EYA1: variants seen among roughly 807,000 people sequenced by gnomAD.
EYA1 encodes protein phosphatase EYA1.
In EYA1, 16 loss-of-function variants were observed where a neutral mutation model predicts 82.0. The ratio of observed to expected loss-of-function variants is 0.20; its 90% CI spans 0.13 to 0.30. The LOEUF is 0.30. Ranked by LOEUF, EYA1 falls within the 10% of genes least tolerant of loss-of-function variation. The probability of loss-of-function intolerance (pLI) is 1.00; values close to 1 mark genes in which losing one functional copy is unlikely to be tolerated. For missense variants in EYA1, 633 were observed against 730.7 expected, an observed-to-expected ratio of 0.87 and a Z score of 1.54; for synonymous variants, 261 against 264.4, an observed-to-expected ratio of 0.99 and a Z score of 0.12.
At chr8:71,541,217 T>A (rs1815112690) in intron 1 of EYA1, among the ~76,000 whole-genome samples, 1 of 152,362 alleles carries the variant, frequency 6.6e-6, no homozygotes, top group East Asian at 1.9e-4. Context: ...CCACTGAAGA[T>A]GTTAATGAAA....
intron 2 of EYA1, among the ~76,000 whole-genome samples, chr8:71,402,893 G>A (rs1830030971): frequency 6.6e-6 from 1 of 152,130 alleles, no homozygotes; most frequent in Non-Finnish European, 1.5e-5. Context: ...AAGCATAGCT[G>A]GCTGGGAAAA....
rs1036676450 is a variant in EYA1, at chr8:71,537,133, G to A, written c.-72-1285C>T. 3.3e-5 allele frequency among the ~76,000 whole-genome samples: 5 copies of A among 152,164 alleles called. No individual in the cohort carries two copies. In the East Asian group the frequency reaches 9.6e-4, roughly 29 times the overall value. ...GCTCAACATTATCAATGCTGCAAAT[G>A]TATGCCCAATCCACTGTCAACATAA... is the stretch of plus-strand genomic sequence containing the variant. On this transcript the variant is annotated intron_variant, in intron 1 of 18. Transcript: ENST00000643681.
chr8:71,314,275 G>C (rs979419179), intron 7 of EYA1, among the ~76,000 whole-genome samples: 5 of 152,108 alleles, frequency 3.3e-5, no homozygotes, highest in African/African-American at 4.8e-5. Flanking sequence ...CAAAATCATT[G>C]AATAATGAGA....
rs557000223 is a variant in EYA1, at chr8:71,324,746, T to C, written c.203-2478A>G. Among the ~76,000 whole-genome samples the C allele has an allele frequency of 4.6e-5, 7 of 152,330 alleles. No homozygotes were observed. The South Asian group carries it at 1.4e-3, about 32-fold the overall frequency. On this transcript the variant is annotated intron_variant, in intron 4 of 17. Coordinates refer to ENST00000340726, the MANE Select transcript of EYA1 (RefSeq NM_000503.6). ...GCATACTGTCTTCCGACCCCCTGCG[T>C]GGAAATTAGAACTTCACAGCCATCT...
At chr8:71,443,069 C>A (rs1446229832) in intron 2 of EYA1, among the ~76,000 whole-genome samples, 2 of 152,090 alleles carry the variant, frequency 1.3e-5, no homozygotes, top group Non-Finnish European at 2.9e-5. Flanking sequence ...GAATCTGCAA[C>A]ACACAGAGAA....
At chr8:71,409,532 T>G (rs1194300160) in intron 2 of EYA1, among the ~76,000 whole-genome samples, 2 of 9,630 alleles carry the variant, frequency 2.1e-4, no homozygotes, top group African/African-American at 1.4e-3. Flanking sequence ...TAAAAAATGA[T>G]AAAGGGGATA....
chr8:71,480,069 C>A (rs1810010815), intron 2 of EYA1, among the ~76,000 whole-genome samples: 1 of 151,870 alleles, frequency 6.6e-6, no homozygotes, highest in Non-Finnish European at 1.5e-5. Context: ...GTTCTAATTT[C>A]TTTCACTCCT....
At chr8:71,414,075 T>C (rs1830738771) in intron 2 of EYA1, among the ~76,000 whole-genome samples, 1 of 152,170 alleles carries the variant, frequency 6.6e-6, no homozygotes. Flanking sequence ...TCCAGGAAGC[T>C]TCAGCTGCCC....
intron 3 of EYA1, among the ~76,000 whole-genome samples, chr8:71,337,295 A>G (rs2129049987): frequency 6.6e-6 from 1 of 152,298 alleles, no homozygotes; most frequent in Admixed American, 6.5e-5. Flanking sequence ...ACTCCAGTCT[A>G]TTAGAAAATA....
In EYA1 at chr8:71,207,572, C is replaced by T. The variant is rs1807962829; in HGVS notation, c.1698+3584G>A. Among the ~76,000 whole-genome samples, 5 of 152,130 alleles carry T rather than the reference C, an allele frequency of 3.3e-5. No individual in the cohort carries two copies. The South Asian group carries it at 1.0e-3, about 32-fold the overall frequency. ...TCATCCATGAAATAAAAATGGAAAG[C>T]TAGGAGGACTCATTTGGTCAAAAAA... is the stretch of plus-strand genomic sequence containing the variant. On this transcript the variant is annotated intron_variant, in intron 17 of 17. Transcript: ENST00000340726.
intron 2 of EYA1, among the ~76,000 whole-genome samples, chr8:71,412,007 A>T (rs1830619119): frequency 6.6e-6 from 1 of 152,058 alleles, no homozygotes; most frequent in Admixed American, 6.6e-5. Context: ...AGACTGCATT[A>T]AGAAAATGTG....
intron 12 of EYA1, among the ~76,000 whole-genome samples, chr8:71,223,085 G>T (rs557671761): frequency 6.6e-6 from 1 of 152,340 alleles, no homozygotes; most frequent in Admixed American, 6.5e-5. Context: ...GAGAGCCACT[G>T]TAGTAACCGG....
upstream of EYA1, among the ~76,000 whole-genome samples, chr8:71,366,551 T>C (rs1827769061): frequency 6.6e-6 from 1 of 152,220 alleles, no homozygotes; most frequent in Non-Finnish European, 1.5e-5. Context: ...TAAGAGGATC[T>C]GGAAATTTGC....
At chr8:71,364,274 A>G (rs1053284607), upstream of EYA1, among the ~76,000 whole-genome samples, 3 of 151,928 alleles carry the variant, frequency 2.0e-5, no homozygotes, top group African/African-American at 7.2e-5. Context: ...CTGAAGCAAA[A>G]TTAGATGGAT....
At chr8:71,283,268 C>G (rs1818020639) in intron 9 of EYA1, among the ~76,000 whole-genome samples, 1 of 152,124 alleles carries the variant, frequency 6.6e-6, no homozygotes, top group Admixed American at 6.6e-5. Flanking sequence ...ATTAAGGTGG[C>G]TCTCTCCTCC....
chr8:71,242,567 C>G lies in EYA1; in HGVS notation c.1140+2036G>C, dbSNP rs1812601779. Among the ~76,000 whole-genome samples the G allele has an allele frequency of 3.9e-5, 6 of 151,926 alleles. No individual in the cohort carries two copies. The South Asian group carries it at 1.0e-3, about 26-fold the overall frequency. On this transcript the variant is annotated intron_variant, in intron 12 of 17. Transcript: ENST00000340726. Reference sequence around the variant, plus strand: ...ACAGAAAAAAATACATCTCCTATACCCTAAAAACCTAGAGCTTTTAATATA... The same window carrying G: ...ACAGAAAAAAATACATCTCCTATACGCTAAAAACCTAGAGCTTTTAATATA...
chr8:71,303,432 A>C lies in EYA1; in HGVS notation c.557-3712T>G, dbSNP rs192705687. ...TATGTAAACTAGTCCTTCCCCTACA[A>C]AACAACTAAAAAAACTTCGACATTC... On this transcript the variant is annotated intron_variant, in intron 7 of 17. Transcript: ENST00000340726. Among the ~76,000 whole-genome samples, 2 of 142,740 alleles carry C rather than the reference A, an allele frequency of 1.4e-5. 1 individual carries two copies. The highest frequency in any genetic ancestry group is 3.2e-5 in the Non-Finnish European group (2 of 62,772). 93.6% of individuals were successfully genotyped at this position (142,740 alleles called of 152,430 possible). A position where few individuals can be genotyped will look rare whatever the true frequency, so the allele number is the denominator to read the frequency against.
chr8:71,364,939 C>CATATATAT (rs34890892), upstream of EYA1, among the ~76,000 whole-genome samples: 4 of 88,174 alleles, frequency 4.5e-5, no homozygotes, highest in Non-Finnish European at 6.5e-5. Context: ...AAGCAAATGT[C>CATATATAT]ATATATATAT....
intron 12 of EYA1, among the ~76,000 whole-genome samples, chr8:71,229,559 C>T (rs1441851605): frequency 6.6e-6 from 1 of 152,100 alleles, no homozygotes; most frequent in Non-Finnish European, 1.5e-5. Context: ...ATCTGATTGA[C>T]AGGATTTGAT....
Sources: allele counts gnomAD v4.1 joint callset (sites outside exome capture counted in the v4.1 genomes callset), GRCh38; gene constraint gnomAD v4.1.1; transcripts MANE v1.5; gene names NCBI Gene and HGNC (gene_info 2026-07-23, HGNC 2026-07-21).